YTHDC2: variants seen among roughly 807,000 people sequenced by gnomAD.
YTHDC2 encodes the protein YTH N6-methyladenosine RNA binding protein C2.
Under a neutral mutation model 174.9 loss-of-function variants are expected in YTHDC2, and 45 were observed. That is an observed-to-expected ratio of 0.26 (90% CI 0.20 to 0.33). YTHDC2 has a LOEUF of 0.33. Among genes scored for constraint, YTHDC2 ranks in the 10% least tolerant of loss-of-function variants. The pLI is 1.00. For missense variants in YTHDC2, 1,650 were observed against 1,723.7 expected (o/e 0.96, Z 0.76); for synonymous variants, 657 against 574.5 (o/e 1.14, Z -2.05).
intron 23 of YTHDC2, among the ~76,000 whole-genome samples, chr5:113,576,765 C>T (rs7729214): frequency 0.035 from 5,298 of 151,772 alleles, 295 homozygotes; most frequent in African/African-American, 0.12. Context: ...TGAATGATAG[C>T]GTTATAATTT....
chr5:113,568,443 G>A lies in YTHDC2; in HGVS notation c.3244+594G>A, dbSNP rs566414840. On this transcript the variant is annotated intron_variant, in intron 23 of 29. Transcript: ENST00000161863. ...GCATAGGTAAAGGTGTGCCATGGTG[G>A]TTTGCTGCACAGATCATGACATCAT... 6.4e-4 allele frequency among the ~76,000 whole-genome samples: 97 copies of A among 152,250 alleles called. No homozygotes were observed. In the Middle Eastern group the frequency reaches 0.014, roughly 21 times the overall value.
intron 5 of YTHDC2, among the ~76,000 whole-genome samples, 200 bp downstream of exon 5, chr5:113,533,245 T>C (rs529707181): frequency 4.7e-4 from 72 of 152,232 alleles, no homozygotes; most frequent in African/African-American, 1.6e-3. Context: ...GAACCATAGA[T>C]AAAAATTCCA....
chr5:113,534,962 AACTT>A, intron 6 of YTHDC2, among the ~76,000 whole-genome samples: 1 of 152,362 alleles, frequency 6.6e-6, no homozygotes, highest in Middle Eastern at 3.4e-3. Flanking sequence ...AGCTTTTAGA[AACTT>A]ACCCAAACCA....
chr5:113,590,348 G>T (rs1296410724), intron 26 of YTHDC2, among the ~76,000 whole-genome samples: 5 of 152,156 alleles, frequency 3.3e-5, no homozygotes, highest in African/African-American at 1.2e-4. Context: ...CCCTTCTGTG[G>T]GCCAGTACCA....
rs761118754 is a variant in YTHDC2, at chr5:113,581,649, A to T, written c.3587A>T (p.Asn1196Ile). 1 of 1,612,934 alleles carries T rather than the reference A, an allele frequency of 6.2e-7. No individual in the cohort carries two copies. The highest frequency in any genetic ancestry group is 1.1e-5 in the South Asian group (1 of 90,780). ...CCTTTGGCCTCATCTTGGAGGTCAA[A>T]TAATAGTAGGAAAAGTTCAGCAGAT... ...ELPLASSWRS[N>I]NSRKSSADTE... Residue 1196 changes from asparagine (N) to isoleucine (I), a missense_variant, in exon 25 of 30, where the codon AAT (asparagine) becomes ATT (isoleucine). Physicochemically the swap from Asn to Ile is moderately radical, Grantham distance 149. Coordinates refer to ENST00000161863, the MANE Select transcript of YTHDC2 (RefSeq NM_022828.5).
intron 22 of YTHDC2, 107 bp downstream of exon 22, chr5:113,567,404 TTATATA>T (rs368320106): frequency 8.1e-4 from 233 of 287,414 alleles, no homozygotes; most frequent in Middle Eastern, 3.2e-3. Context: ...AATTAATTAG[TTATATA>T]TATATATATA....
intron 23 of YTHDC2, among the ~76,000 whole-genome samples, chr5:113,571,853 T>C (rs1777742574): frequency 6.6e-6 from 1 of 152,168 alleles, no homozygotes; most frequent in Non-Finnish European, 1.5e-5. Context: ...GTCTATTTGA[T>C]TCTTCTCTCT....
chr5:113,522,352 C>G (rs1773935598), intron 2 of YTHDC2, among the ~76,000 whole-genome samples: 1 of 151,970 alleles, frequency 6.6e-6, no homozygotes, highest in African/African-American at 2.4e-5. Context: ...TTAATGTTAA[C>G]ATTGTGTCAA....
At chr5:113,558,044 C>T (rs80352619) in intron 17 of YTHDC2, among the ~76,000 whole-genome samples, 1,595 of 151,952 alleles carry the variant, frequency 0.01, 31 homozygotes, top group African/African-American at 0.037. Flanking sequence ...CTGGATGTTT[C>T]CAGAGTTGTT....
intron 26 of YTHDC2, among the ~76,000 whole-genome samples, chr5:113,589,408 A>AATATATATATATATATATATAT (rs34243829): frequency 4.1e-5 from 5 of 123,258 alleles, no homozygotes; most frequent in African/African-American, 1.7e-4. Flanking sequence ...AAAAAAAAAA[A>AATATATATATATATATATATAT]ATATATATAT....
At chr5:113,585,176 A>G (rs1778613583) in intron 26 of YTHDC2, among the ~76,000 whole-genome samples, 1 of 151,904 alleles carries the variant, frequency 6.6e-6, no homozygotes, top group Non-Finnish European at 1.5e-5. Context: ...TTCTATTGTT[A>G]ATTGGTTTCT....
intron 10 of YTHDC2, among the ~76,000 whole-genome samples, chr5:113,547,554 G>A (rs1254160673): frequency 6.6e-6 from 1 of 152,136 alleles, no homozygotes; most frequent in Non-Finnish European, 1.5e-5. Flanking sequence ...ACTCTGGTGG[G>A]GGATGTTGAT....
At chr5:113,529,265 G>A (rs762222066) in intron 4 of YTHDC2, among the ~76,000 whole-genome samples, 4 of 152,042 alleles carry the variant, frequency 2.6e-5, no homozygotes, top group African/African-American at 4.8e-5. Flanking sequence ...TAAAATTTAC[G>A]GATGTTAATC....
In YTHDC2 at chr5:113,561,957, G is replaced by GGTGTGTGTGTGTGTGTGT. The variant is rs70973686; in HGVS notation, c.2322+797_2322+814dup. Among the ~76,000 whole-genome samples the GGTGTGTGTGTGTGTGTGT allele has an allele frequency of 2.3e-3, 315 of 134,944 alleles. 2 individuals carry two copies. The highest frequency in any genetic ancestry group is 3.5e-3 in the Admixed American group (45 of 12,990). 88.5% of individuals were successfully genotyped at this position (134,944 alleles called of 152,430 possible). Reference sequence around the variant, plus strand: ...GATTTTCTGACCTCTATTAATTGTGGGTGTGTGTGTGTGTGTGTGTGTGTG... The same window carrying GGTGTGTGTGTGTGTGTGT: ...GATTTTCTGACCTCTATTAATTGTGGGTGTGTGTGTGTGTGTGTGTGTGTGTGTGTGTGTGTGTGTGTG... On this transcript the variant is annotated intron_variant, in intron 18 of 29. Coordinates refer to ENST00000161863, the MANE Select transcript of YTHDC2 (RefSeq NM_022828.5).
intron 1 of YTHDC2, 41 bp downstream of exon 1, chr5:113,514,123 C>G: frequency 1.3e-6 from 2 of 1,582,472 alleles, no homozygotes; most frequent in Non-Finnish European, 8.6e-7. Context: ...GTCAGGATAC[C>G]CCCCTCACCC....
At chr5:113,556,213 T>G (rs1776597347) in intron 17 of YTHDC2, 79 bp downstream of exon 17, 2 of 692,888 alleles carry the variant, frequency 2.9e-6, no homozygotes, top group Non-Finnish European at 4.7e-6. Flanking sequence ...ATTTATCATA[T>G]ATTCCATGTT....
At chr5:113,549,582 C>T (rs1776111918) in intron 12 of YTHDC2, among the ~76,000 whole-genome samples, 3 of 152,196 alleles carry the variant, frequency 2.0e-5, no homozygotes, top group Non-Finnish European at 1.5e-5. Context: ...ATATTGCATT[C>T]ATGCAATAAA....
intron 24 of YTHDC2, among the ~76,000 whole-genome samples, chr5:113,580,132 A>G (rs922369708): frequency 6.6e-6 from 1 of 152,112 alleles, no homozygotes; most frequent in African/African-American, 2.4e-5. Flanking sequence ...AAGCTCTTTT[A>G]TAAGGATACC....
chr5:113,560,977 C>T (rs1232331733), intron 17 of YTHDC2, 103 bp from the exon 18 acceptor site: 1 of 969,044 alleles, frequency 1.0e-6, no homozygotes, highest in South Asian at 2.4e-5. Flanking sequence ...CTCAGGTATC[C>T]TGATCCTGGA....
Sources: allele counts gnomAD v4.1 joint callset (sites outside exome capture counted in the v4.1 genomes callset), GRCh38; gene constraint gnomAD v4.1.1; transcripts MANE v1.5; gene names NCBI Gene and HGNC (gene_info 2026-07-23, HGNC 2026-07-21).